RCOR1: variants seen among roughly 807,000 people sequenced by gnomAD.
RCOR1 encodes REST corepressor.
RCOR1 carries 12 observed loss-of-function variants against 64.0 expected under a neutral mutation model. The ratio of observed to expected loss-of-function variants is 0.19; its 90% CI spans 0.12 to 0.30. The LOEUF is 0.30. Ranked by LOEUF, RCOR1 falls within the 10% of genes least tolerant of loss-of-function variation. The probability of loss-of-function intolerance (pLI) is 1.00; values close to 1 mark genes in which losing one functional copy is unlikely to be tolerated. For missense variants in RCOR1, 502 were observed against 621.2 expected (o/e 0.81, Z 2.04); for synonymous variants, 279 against 227.2 (o/e 1.23, Z -2.05).
intron 4 of RCOR1, among the ~76,000 whole-genome samples, chr14:102,702,654 A>T (rs919377471): frequency 6.6e-6 from 1 of 152,184 alleles, no homozygotes; most frequent in African/African-American, 2.4e-5. Context: ...TGCCTCAGAG[A>T]AGACCTTCAG....
Position 102,592,944 on chromosome 14 carries a change from A to C in RCOR1, c.58A>C (p.Asn20His). 1 of 1,207,160 alleles carries C rather than the reference A, an allele frequency of 8.3e-7. No homozygotes were observed. Among genetic ancestry groups the C allele is most frequent in the Non-Finnish European group, 1.0e-6 (1 of 966,312 alleles). The allele number at this position is 1,207,160 out of a possible 1,614,324, so 74.8% of individuals were successfully genotyped here. ...CTCAGGGAAGCGGAGAGGGAGGAAC[A>C]ACGCGGCCGCCTCCGCCTCCGCCGC... ...EVSGKRRGRN[N>H]AAASASAAAA... Residue 20 changes from asparagine to histidine, a missense_variant, in exon 1 of 12, where the codon AAC becomes CAC. By Grantham distance (68) the Asn-to-His change is moderately conservative. Transcript: ENST00000262241.
At chr14:102,664,501 T>G (rs1894880932) in intron 2 of RCOR1, among the ~76,000 whole-genome samples, 1 of 152,216 alleles carries the variant, frequency 6.6e-6, no homozygotes, top group Non-Finnish European at 1.5e-5. Context: ...AACCTTCCCA[T>G]GGGAATAGAG....
In RCOR1 at chr14:102,729,642, G is replaced by A; in HGVS notation, c.*3136G>A. On this transcript the variant is annotated 3_prime_UTR_variant, in exon 12 of 12. Transcript: ENST00000262241. ...TGGACTCATAAAACAGTGGCTTTCTGTTCATCTAAAGTTTCCTCAGATACC... is the reference window on the plus strand; with the variant it reads ...TGGACTCATAAAACAGTGGCTTTCTATTCATCTAAAGTTTCCTCAGATACC... 2.6e-6 allele frequency: 1 copy of A among 389,632 alleles called. No individual in the cohort carries two copies. The highest frequency in any genetic ancestry group is 4.5e-6 in the Non-Finnish European group (1 of 220,660). 24.1% of individuals were successfully genotyped at this position (389,632 alleles called of 1,614,324 possible).
At chr14:102,594,099 A>C (rs1893193155) in intron 2 of RCOR1, among the ~76,000 whole-genome samples, 1 of 152,202 alleles carries the variant, frequency 6.6e-6, no homozygotes, top group South Asian at 2.1e-4. Flanking sequence ...TGTAGAAGCA[A>C]ATTTAAAGTG....
At chr14:102,594,086 C>G (rs904942594) in intron 2 of RCOR1, among the ~76,000 whole-genome samples, 2 of 152,106 alleles carry the variant, frequency 1.3e-5, no homozygotes, top group Non-Finnish European at 2.9e-5. Context: ...GGCTGCTATT[C>G]TGTGTAGAAG....
rs1403004823 is a variant in RCOR1, at chr14:102,691,640, T to A, written c.446-9638T>A. Among the ~76,000 whole-genome samples the A allele has an allele frequency of 7.9e-5, 12 of 152,316 alleles. No individual in the cohort carries two copies. The East Asian group carries it at 1.5e-3, about 20-fold the overall frequency. On this transcript the variant is annotated intron_variant, in intron 3 of 11. Coordinates refer to ENST00000262241, the MANE Select transcript of RCOR1 (RefSeq NM_015156.4). ...AAAAGTATTTTCATCACTTTAATTTTTTTAAGTGCTCTAGAACTAGCTAAA... is the reference window on the plus strand; with the variant it reads ...AAAAGTATTTTCATCACTTTAATTTATTTAAGTGCTCTAGAACTAGCTAAA...
intron 2 of RCOR1, among the ~76,000 whole-genome samples, chr14:102,677,257 G>C (rs1197445209): frequency 1.7e-5 from 2 of 116,692 alleles, no homozygotes; most frequent in African/African-American, 3.7e-5. Context: ...CGGGCAGAGG[G>C]GCTCCTCACT....
chr14:102,619,767 C>T (rs1722256250), intron 2 of RCOR1, among the ~76,000 whole-genome samples: 1 of 152,192 alleles, frequency 6.6e-6, no homozygotes, highest in Non-Finnish European at 1.5e-5. Flanking sequence ...ATGCGTGAGC[C>T]ACTGTGCCTG....
intron 2 of RCOR1, among the ~76,000 whole-genome samples, chr14:102,633,208 C>T (rs1201038232): frequency 6.6e-6 from 1 of 152,036 alleles, no homozygotes; most frequent in East Asian, 1.9e-4. Flanking sequence ...TCTCATCTAG[C>T]TCTAAGAGAC....
chr14:102,613,309 C>T (rs142609360), intron 2 of RCOR1, among the ~76,000 whole-genome samples: 170 of 151,714 alleles, frequency 1.1e-3, no homozygotes, highest in African/African-American at 3.8e-3. Flanking sequence ...ACCGTGTTGG[C>T]CTGGCTGGTA....
chr14:102,634,598 T>TTACA (rs1567415903), intron 2 of RCOR1, among the ~76,000 whole-genome samples: 2 of 56,708 alleles, frequency 3.5e-5, no homozygotes, highest in African/African-American at 1.2e-4. Context: ...CATGTTTATA[T>TTACA]TACGTGTGTG....
chr14:102,721,234 A>G, intron 9 of RCOR1, 86 bp from the exon 10 acceptor site: 1 of 1,292,314 alleles, frequency 7.7e-7, no homozygotes, highest in South Asian at 1.3e-5. Flanking sequence ...AAATTCCGAT[A>G]AGAGAAAATG....
rs1157036186 is a variant in RCOR1 at position 102,677,312 on chromosome 14, C to T, written c.362-4583C>T. On this transcript the variant is annotated intron_variant, in intron 2 of 11. Coordinates refer to ENST00000262241, the MANE Select transcript of RCOR1 (RefSeq NM_015156.4). ...GCAAAGGAGCCCCTCACCTCCCGGA[C>T]GGGGCGGCTGGCCGGGCAGGGGGCT... Among the ~76,000 whole-genome samples, 11 of 119,098 alleles carry T rather than the reference C, an allele frequency of 9.2e-5. 1 individual carries two copies. Among genetic ancestry groups the T allele is most frequent in the African/African-American group, 1.2e-4 (3 of 26,002 alleles). The allele number at this position is 119,098 out of a possible 152,430, so 78.1% of individuals were successfully genotyped here.
intron 2 of RCOR1, chr14:102,655,611 A>T: frequency 1.8e-6 from 1 of 563,758 alleles, no homozygotes. Context: ...ATTTCCTTCT[A>T]GCTTGTCTGT....
At chr14:102,722,715 CAG>C (rs1229563785) in intron 11 of RCOR1, among the ~76,000 whole-genome samples, 2 of 152,178 alleles carry the variant, frequency 1.3e-5, no homozygotes, top group Non-Finnish European at 2.9e-5. Flanking sequence ...GTGACAAAGA[CAG>C]GGGAGTGGGG....
chr14:102,644,104 A>T (rs1894429600), intron 2 of RCOR1, among the ~76,000 whole-genome samples: 1 of 152,174 alleles, frequency 6.6e-6, no homozygotes, highest in Admixed American at 6.5e-5. Context: ...TGGTGGCTGG[A>T]GCTGAACAGT....
At chr14:102,690,644 T>C (rs979701526) in intron 3 of RCOR1, among the ~76,000 whole-genome samples, 4 of 152,194 alleles carry the variant, frequency 2.6e-5, no homozygotes, top group African/African-American at 9.6e-5. Flanking sequence ...GATGTCCACA[T>C]GGCTCACCCC....
rs147489671 is a variant in RCOR1, at chr14:102,619,558, G to A, written c.361+26233G>A. Among the ~76,000 whole-genome samples, 1,236 of 148,062 alleles carry A rather than the reference G, an allele frequency of 8.3e-3. 11 individuals carry two copies. The highest frequency in any genetic ancestry group is 0.029 in the African/African-American group (1,147 of 39,738). On this transcript the variant is annotated intron_variant, in intron 2 of 11. Transcript: ENST00000262241. ...TGTAGTGGCGTGATCTTGCCTCACTGCAGCCTCTGCCTCCCGGGTTCAAGC... is the reference window on the plus strand; with the variant it reads ...TGTAGTGGCGTGATCTTGCCTCACTACAGCCTCTGCCTCCCGGGTTCAAGC...
At chr14:102,653,992 T>TG (rs1567423519) in intron 2 of RCOR1, among the ~76,000 whole-genome samples, 36 of 120,580 alleles carry the variant, frequency 3.0e-4, no homozygotes, top group African/African-American at 1.2e-3. Context: ...TCTTTTTTTT[T>TG]TTTTTTTTTT....
Sources: gnomAD v4.1 joint callset for allele counts (sites outside exome capture counted in the v4.1 genomes callset) on GRCh38, gnomAD v4.1.1 for gene constraint, MANE v1.5 for transcripts, NCBI Gene and HGNC (gene_info 2026-07-23, HGNC 2026-07-21) for gene names.